RBFOX1: variants seen among roughly 807,000 people sequenced by gnomAD.
The protein encoded by RBFOX1 is RNA binding protein fox-1 homolog 1.
A neutral mutation model predicts 57.7 loss-of-function variants in RBFOX1; 8 were observed. The ratio of observed to expected loss-of-function variants is 0.14; its 90% confidence interval spans 0.08 to 0.25. RBFOX1 has a LOEUF of 0.25. Ranked by LOEUF, RBFOX1 falls within the 10% of genes least tolerant of loss-of-function variation. The pLI is 1.00. For missense variants in RBFOX1, 611 were observed against 548.5 expected (o/e 1.11, Z -1.14); for synonymous variants, 326 against 222.4 (o/e 1.47, Z -4.15).
intron 1 of RBFOX1, among the ~76,000 whole-genome samples, chr16:6,162,853 C>A (rs2096889967): frequency 6.6e-6 from 1 of 152,122 alleles, no homozygotes; most frequent in Non-Finnish European, 1.5e-5. Context: ...CCTGCTTCAC[C>A]CAACCGAGTA....
intron 4 of RBFOX1, among the ~76,000 whole-genome samples, chr16:5,942,853 A>T (rs1036407564): frequency 1.3e-5 from 2 of 152,216 alleles, no homozygotes; most frequent in Admixed American, 1.3e-4. Context: ...AACTAAGATG[A>T]GGATGGGAGC....
chr16:6,039,443 G>A (rs749826069), intron 1 of RBFOX1, among the ~76,000 whole-genome samples: 42 of 151,964 alleles, frequency 2.8e-4, no homozygotes, highest in Non-Finnish European at 5.0e-4. Flanking sequence ...ATTTCCCTGC[G>A]TTAGCACCAG....
chr16:6,828,973 C>T (rs2092464573), intron 3 of RBFOX1, among the ~76,000 whole-genome samples: 1 of 150,284 alleles, frequency 6.7e-6, no homozygotes, highest in Non-Finnish European at 1.5e-5. Flanking sequence ...TGTACTTTTC[C>T]CGTTGTTATA....
intron 3 of RBFOX1, among the ~76,000 whole-genome samples, chr16:5,809,443 C>G (rs936474161): frequency 1.1e-5 from 1 of 90,472 alleles, no homozygotes; most frequent in Non-Finnish European, 2.7e-5. Flanking sequence ...GGGCTAATAT[C>G]CAGAATCTAA....
chr16:7,280,989 C>CT lies in RBFOX1; in HGVS notation c.27+228892dup, dbSNP rs1425555881. Among the ~76,000 whole-genome samples, 105 of 54,390 alleles carry CT rather than the reference C, an allele frequency of 1.9e-3. 2 individuals are homozygous for CT. In the South Asian group the frequency reaches 0.023, roughly 12 times the overall value. 35.7% of individuals were successfully genotyped at this position (54,390 alleles called of 152,430 possible). A position where few individuals can be genotyped will look rare whatever the true frequency, so the allele number is the denominator to read the frequency against. On this transcript the variant is annotated intron_variant, in intron 4 of 15. Transcript: ENST00000550418. ...CCTCCCTCCCTCCCTCCCTCCCTCC[C>CT]TCCTTCCTTCCTTCCTTCCTTCCTT...
chr16:6,464,647 G>A (rs1597620448), intron 2 of RBFOX1, among the ~76,000 whole-genome samples: 1 of 152,156 alleles, frequency 6.6e-6, no homozygotes, highest in East Asian at 1.9e-4. Flanking sequence ...CCCTAACATC[G>A]CTGCTATAGT....
chr16:6,106,135 T>C (rs905007465), intron 1 of RBFOX1, among the ~76,000 whole-genome samples: 1 of 152,056 alleles, frequency 6.6e-6, no homozygotes, highest in Non-Finnish European at 1.5e-5. Flanking sequence ...AGGATTGAAA[T>C]TGTCTGTATT....
intron 4 of RBFOX1, among the ~76,000 whole-genome samples, chr16:7,408,488 A>T (rs543250521): frequency 6.6e-6 from 1 of 152,204 alleles, no homozygotes; most frequent in South Asian, 2.1e-4. Flanking sequence ...CGTCTGTTTG[A>T]TCTGCTGAGA....
At chr16:6,745,402 A>G (rs1404209605) in intron 3 of RBFOX1, among the ~76,000 whole-genome samples, 2 of 152,296 alleles carry the variant, frequency 1.3e-5, no homozygotes, top group East Asian at 1.9e-4. Flanking sequence ...TGAAAATTCT[A>G]AAACAACAAG....
At chr16:6,815,588 T>C (rs746580686) in intron 3 of RBFOX1, among the ~76,000 whole-genome samples, 1 of 152,196 alleles carries the variant, frequency 6.6e-6, no homozygotes, top group Non-Finnish European at 1.5e-5. Flanking sequence ...CCTCCCGTCA[T>C]TAATCTCATT....
At chr16:6,095,516 G>T (rs1244770214) in intron 1 of RBFOX1, among the ~76,000 whole-genome samples, 1 of 152,100 alleles carries the variant, frequency 6.6e-6, no homozygotes, top group African/African-American at 2.4e-5. Context: ...CACAGCCAAG[G>T]GAAAGGTAGG....
chr16:7,706,313 C>G (rs2082420802), intron 14 of RBFOX1, among the ~76,000 whole-genome samples: 2 of 152,166 alleles, frequency 1.3e-5, no homozygotes, highest in Admixed American at 1.3e-4. Flanking sequence ...AGAGGTCACC[C>G]TGAAGAGAAA....
intron 4 of RBFOX1, among the ~76,000 whole-genome samples, chr16:7,439,327 G>A (rs370417704): frequency 6.6e-6 from 1 of 151,020 alleles, no homozygotes; most frequent in African/African-American, 2.4e-5. Context: ...GGAACGTCAT[G>A]AGTCTGTACT....
At chr16:7,509,460 G>C (rs1289623559) in intron 4 of RBFOX1, among the ~76,000 whole-genome samples, 1 of 150,956 alleles carries the variant, frequency 6.6e-6, no homozygotes, top group Admixed American at 6.6e-5. Context: ...GTGGTTTTTG[G>C]TGATGTGATT....
At chr16:6,643,987 G>C (rs911771396) in intron 2 of RBFOX1, among the ~76,000 whole-genome samples, 1 of 152,092 alleles carries the variant, frequency 6.6e-6, no homozygotes, top group Non-Finnish European at 1.5e-5. Context: ...ATAGCCAGAC[G>C]TGGTAGCATG....
At chr16:7,140,157 C>CCT (rs57128710) in intron 4 of RBFOX1, among the ~76,000 whole-genome samples, 9,215 of 70,664 alleles carry the variant, frequency 0.13, 772 homozygotes, top group Non-Finnish European at 0.17. Context: ...TCCTTCTCTC[C>CCT]CTCTCTCTCT....
intron 4 of RBFOX1, among the ~76,000 whole-genome samples, chr16:7,410,065 GTGA>G (rs55881929): frequency 2.6e-5 from 4 of 151,634 alleles, no homozygotes; most frequent in Admixed American, 1.3e-4. Flanking sequence ...GGAGTCTTCA[GTGA>G]TGATGATGAT....
chr16:6,690,140 G>C (rs1353636299), intron 3 of RBFOX1, among the ~76,000 whole-genome samples: 1 of 152,104 alleles, frequency 6.6e-6, no homozygotes, highest in African/African-American at 2.4e-5. Context: ...TTAGATTTCA[G>C]CCTCTAGCTT....
chr16:6,941,683 A>G (rs983315650), intron 3 of RBFOX1, among the ~76,000 whole-genome samples: 1 of 152,120 alleles, frequency 6.6e-6, no homozygotes, highest in Admixed American at 6.6e-5. Context: ...ATAGTAATAG[A>G]GCTGATGGTT....
Sources: allele counts gnomAD v4.1 joint callset (sites outside exome capture counted in the v4.1 genomes callset), GRCh38; gene constraint gnomAD v4.1.1; transcripts MANE v1.5; gene names NCBI Gene and HGNC (gene_info 2026-07-23, HGNC 2026-07-21).